PRMT1: variants seen among roughly 807,000 people sequenced by gnomAD.
The protein encoded by PRMT1 is protein arginine N-methyltransferase 1.
PRMT1 carries 5 observed loss-of-function variants against 47.4 expected under a neutral mutation model. That is an observed-to-expected ratio of 0.11 (90% CI 0.06 to 0.22). PRMT1 has a LOEUF of 0.22. Among genes scored for constraint, PRMT1 ranks in the 10% least tolerant of loss-of-function variants. The pLI, the probability that PRMT1 is intolerant of heterozygous loss-of-function variation, is 1.00. For missense variants in PRMT1, 249 were observed against 518.4 expected, an observed-to-expected ratio of 0.48 and a Z score of 5.05; for synonymous variants, 227 against 204.6, an observed-to-expected ratio of 1.11 and a Z score of -0.94.
chr19:49,687,832 AGG>A, intron 10 of PRMT1: 1 of 399,972 alleles, frequency 2.5e-6, no homozygotes, highest in Non-Finnish European at 4.7e-6. Flanking sequence ...TTGCCTGAGG[AGG>A]AAGTGGGCTT....
intron 1 of PRMT1, 197 bp from the exon 2 acceptor site, chr19:49,679,675 C>A (rs1336530778): frequency 1.4e-5 from 9 of 639,200 alleles, no homozygotes; most frequent in Non-Finnish European, 1.7e-5. Context: ...GATAGGAGAC[C>A]CCCCTTTCTT....
At chr19:49,686,305 A>G (rs2082203777) in intron 9 of PRMT1, 62 bp downstream of exon 9, 1 of 1,518,208 alleles carries the variant, frequency 6.6e-7, no homozygotes, top group South Asian at 1.3e-5. Context: ...GCACCCACGT[A>G]GTGGAGGGGG....
In PRMT1 at chr19:49,679,865, C is replaced by T. The variant is rs760629450; in HGVS notation, c.37-7C>T. 15 of 1,610,686 alleles carry T rather than the reference C, an allele frequency of 9.3e-6. No homozygotes were observed. The highest frequency in any genetic ancestry group is 1.7e-4 in the Middle Eastern group (1 of 6,056). On this transcript the variant is annotated splice_polypyrimidine_tract_variant and splice_region_variant and intron_variant, in intron 1 of 10. Transcript: ENST00000454376. ...GCTAATCCTTTTTCCCTGTTACTCT[C>T]TCCTAGAATTTTGTAGCCACCTTGG...
Position 49,688,375 on chromosome 19 carries a change from C to A in PRMT1, c.*130C>A. 1 of 769,812 alleles carries A rather than the reference C, an allele frequency of 1.3e-6. No individual in the cohort carries two copies. Among genetic ancestry groups the A allele is most frequent in the South Asian group, 1.5e-5 (1 of 68,002 alleles). The allele number at this position is 769,812 out of a possible 1,614,324, so 47.7% of individuals were successfully genotyped here. A position where few individuals can be genotyped will look rare whatever the true frequency, so the allele number is the denominator to read the frequency against. On this transcript the variant is annotated 3_prime_UTR_variant, in exon 11 of 11. Coordinates refer to ENST00000454376, the MANE Select transcript of PRMT1 (RefSeq NM_001536.6). The surrounding 1 kb of genome is among the most constrained non-coding windows in gnomAD (Gnocchi z 5.3). ...GCCTGGGCTGGGGGGATGGGGAGGG[C>A]ACATCGTGACTGTGTTTTTCATAAC...
At chr19:49,683,034 C>G (rs576830091) in intron 5 of PRMT1, among the ~76,000 whole-genome samples, 4 of 151,756 alleles carry the variant, frequency 2.6e-5, no homozygotes, top group Non-Finnish European at 4.4e-5. Flanking sequence ...GATCTGCCTG[C>G]TTGCCTTGGC....
In PRMT1 at chr19:49,685,264, G is replaced by A. The variant is rs1321085905; in HGVS notation, c.759+227G>A. On this transcript the variant is annotated intron_variant, in intron 8 of 10. Transcript: ENST00000454376. This position sits in a 1 kb window ranked among gnomAD's most constrained non-coding sequence, Gnocchi z 4.7. ...TGCTTGGCACTTGGCTTCTGGCGGA[G>A]GAAACACCCAAAGCTGGCAGCTAAA... 4.6e-5 allele frequency: 67 copies of A among 1,460,990 alleles called. No individual in the cohort carries two copies. Among genetic ancestry groups the A allele is most frequent in the Non-Finnish European group, 5.6e-5 (62 of 1,105,812 alleles). 90.5% of individuals were successfully genotyped at this position (1,460,990 alleles called of 1,614,324 possible). A position where few individuals can be genotyped will look rare whatever the true frequency, so the allele number is the denominator to read the frequency against.
chr19:49,686,028 G>A (rs2123005025), intron 8 of PRMT1, 65 bp from the exon 9 acceptor site: 2 of 1,565,336 alleles, frequency 1.3e-6, no homozygotes, highest in Non-Finnish European at 1.7e-6. Context: ...GGAGCTTAAG[G>A]GAGGGAGGAG....
chr19:49,679,634 G>C, intron 1 of PRMT1: 1 of 698,248 alleles, frequency 1.4e-6, no homozygotes, highest in East Asian at 2.7e-5. Context: ...GCAGCGTGGG[G>C]GTGGGCCACC....
intron 1 of PRMT1, among the ~76,000 whole-genome samples, chr19:49,679,027 G>A (rs1318645423): frequency 1.3e-5 from 2 of 151,976 alleles, no homozygotes; most frequent in African/African-American, 4.8e-5. Flanking sequence ...GGGATTACAG[G>A]CACCCGCCAC....
In PRMT1 at chr19:49,684,974, T is replaced by C; in HGVS notation, c.696T>C (p.Ile232=). The C allele has an allele frequency of 6.2e-7, 1 of 1,607,190 alleles. No individual in the cohort carries two copies. Among genetic ancestry groups the C allele is most frequent in the Non-Finnish European group, 8.5e-7 (1 of 1,175,498 alleles). Reference sequence around the variant, plus strand: ...TGTCTTGCATCAAAGATGTGGCCATTAAGGAGCCCCTAGTGGATGTCGTGG... The same window carrying C: ...TGTCTTGCATCAAAGATGTGGCCATCAAGGAGCCCCTAGTGGATGTCGTGG... The part of the protein sequence containing the change: ...FDMSCIKDVA[I]KEPLVDVVDP... The change falls in exon 8 of 11, where the codon ATT becomes ATC. Residue 232 remains isoleucine, a synonymous_variant. Transcript: ENST00000454376. The surrounding 1 kb of genome is among the most constrained non-coding windows in gnomAD (Gnocchi z 6.2).
chr19:49,677,251 C>T (rs746446644), upstream of PRMT1: 18 of 1,415,562 alleles, frequency 1.3e-5, no homozygotes, highest in South Asian at 1.6e-5. Context: ...GGGGTCTTGG[C>T]GGCCGGAGGA....
rs2082116051 is a variant in PRMT1, at chr19:49,681,347, C to A, written c.193-563C>A. 6.6e-6 allele frequency among the ~76,000 whole-genome samples: 1 copy of A among 152,194 alleles called. No homozygotes were observed. Among genetic ancestry groups the A allele is most frequent in the South Asian group, 2.1e-4 (1 of 4,834 alleles). On this transcript the variant is annotated intron_variant, in intron 3 of 10. Coordinates refer to ENST00000454376, the MANE Select transcript of PRMT1 (RefSeq NM_001536.6). This position sits in a 1 kb window ranked among gnomAD's most constrained non-coding sequence, Gnocchi z 4.4. ...TACAGGCGTGAGCCACCGCTCCCAG[C>A]CTGAGGACTTTTAAAAGCCAGGGTT...
rs1261670171 is a variant in PRMT1 at position 49,684,577 on chromosome 19, G to A, written c.556-177G>A. 1.3e-5 allele frequency among the ~76,000 whole-genome samples: 2 copies of A among 152,228 alleles called. No individual in the cohort carries two copies. The highest frequency in any genetic ancestry group is 2.9e-5 in the Non-Finnish European group (2 of 68,026). On this transcript the variant is annotated intron_variant, in intron 6 of 10. Transcript: ENST00000454376. This position sits in a 1 kb window ranked among gnomAD's most constrained non-coding sequence, Gnocchi z 6.2. ...AACCTCCAAGGGCCGGGAGCTGACT[G>A]GGGTGCCCCTGGGTGCCCTCTGGCG...
chr19:49,688,388 T>C lies in PRMT1; in HGVS notation c.*143T>C. The C allele has an allele frequency of 1.4e-6, 1 of 714,226 alleles. No individual in the cohort carries two copies. Among genetic ancestry groups the C allele is most frequent in the Non-Finnish European group, 2.4e-6 (1 of 417,910 alleles). The allele number at this position is 714,226 out of a possible 1,614,324, so 44.2% of individuals were successfully genotyped here. A position where few individuals can be genotyped will look rare whatever the true frequency, so the allele number is the denominator to read the frequency against. On this transcript the variant is annotated 3_prime_UTR_variant, in exon 11 of 11. Coordinates refer to ENST00000454376, the MANE Select transcript of PRMT1 (RefSeq NM_001536.6). This position sits in a 1 kb window ranked among gnomAD's most constrained non-coding sequence, Gnocchi z 5.3. ...GGATGGGGAGGGCACATCGTGACTG[T>C]GTTTTTCATAACTTATGTTTTTATA...
At position 49,683,933 on chromosome 19, in the gene PRMT1, C is replaced by T. The variant is rs763152560; in HGVS notation, c.419C>T (p.Thr140Ile). The T allele has an allele frequency of 6.2e-7, 1 of 1,613,094 alleles. No individual in the cohort carries two copies. Among genetic ancestry groups the T allele is most frequent in the Admixed American group, 1.7e-5 (1 of 59,876 alleles). Residue 140 changes from threonine (T) to isoleucine (I), a missense_variant, in exon 6 of 11, where the codon ACC (threonine) becomes ATC (isoleucine). Coordinates refer to ENST00000454376, the MANE Select transcript of PRMT1 (RefSeq NM_001536.6). ...VKANKLDHVVTIIKGKVEEVE... is the reference protein window; with the variant it reads ...VKANKLDHVVIIIKGKVEEVE... ...CACCCTTGTCCGCCCGCAGTGGTGA[C>T]CATCATCAAGGGGAAGGTGGAGGAG... is the stretch of plus-strand genomic sequence containing the variant.
chr19:49,683,014 C>T (rs2082143507), intron 5 of PRMT1, among the ~76,000 whole-genome samples: 1 of 151,856 alleles, frequency 6.6e-6, no homozygotes, highest in South Asian at 2.1e-4. Flanking sequence ...TCTCGATCTC[C>T]TGACCTCGTG....
Position 49,680,034 on chromosome 19 carries a change from C to T in PRMT1, c.90+109C>T. 1 of 1,250,906 alleles carries T rather than the reference C, an allele frequency of 8.0e-7. No homozygotes were observed. The highest frequency in any genetic ancestry group is 2.0e-5 in the Admixed American group (1 of 50,218). 77.5% of individuals were successfully genotyped at this position (1,250,906 alleles called of 1,614,324 possible). A position where few individuals can be genotyped will look rare whatever the true frequency, so the allele number is the denominator to read the frequency against. On this transcript the variant is annotated intron_variant, in intron 2 of 10. Transcript: ENST00000454376. This position sits in a 1 kb window ranked among gnomAD's most constrained non-coding sequence, Gnocchi z 4.2. ...CTAACCATACCCCTCTTGCTTCAAA[C>T]CAGTTTACCCCAGGCCCCCAGACAC...
intron 1 of PRMT1, among the ~76,000 whole-genome samples, chr19:49,678,879 C>G (rs2082074898): frequency 6.7e-6 from 1 of 149,466 alleles, no homozygotes; most frequent in African/African-American, 2.5e-5. Context: ...ACTCCCCAAG[C>G]CACTTTTTTT....
chr19:49,682,987 C>T (rs942038566), intron 5 of PRMT1, among the ~76,000 whole-genome samples: 12 of 151,872 alleles, frequency 7.9e-5, no homozygotes, highest in East Asian at 3.9e-4. Flanking sequence ...GGGGTTTCAC[C>T]GTGTTAGCCA....
Sources: allele counts gnomAD v4.1 joint callset (sites outside exome capture counted in the v4.1 genomes callset), GRCh38; gene constraint gnomAD v4.1.1; non-coding constraint Gnocchi (gnomAD v3.1); transcripts MANE v1.5; gene names NCBI Gene and HGNC (gene_info 2026-07-23, HGNC 2026-07-21).